GABBR2: variants seen among roughly 807,000 people sequenced by gnomAD.
GABBR2 encodes gamma-aminobutyric acid type B receptor subunit 2.
In GABBR2, 23 loss-of-function variants were observed where a neutral mutation model predicts 105.6. That is an observed-to-expected ratio of 0.22 (90% CI 0.16 to 0.31). The LOEUF is 0.31. Among genes scored for constraint, GABBR2 ranks in the 10% least tolerant of loss-of-function variants. The pLI, the probability that GABBR2 is intolerant of heterozygous loss-of-function variation, is 1.00. For synonymous variants in GABBR2, 478 were observed against 499.7 expected (o/e 0.96, Z 0.58); for missense variants, 734 against 1,245.5 (o/e 0.59, Z 6.18).
At chr9:98,307,848 G>A (rs1830574931) in intron 14 of GABBR2, among the ~76,000 whole-genome samples, 1 of 152,164 alleles carries the variant, frequency 6.6e-6, no homozygotes, top group South Asian at 2.1e-4. Context: ...TTTTATACAA[G>A]CATGATTGTT....
intron 1 of GABBR2, among the ~76,000 whole-genome samples, chr9:98,676,718 T>C (rs536305783): frequency 6.6e-6 from 1 of 152,252 alleles, no homozygotes; most frequent in Non-Finnish European, 1.5e-5. Flanking sequence ...GGAACTCAGA[T>C]CCCTGAATGA....
Position 98,708,612 on chromosome 9 carries a change from C to G in GABBR2, c.126G>C (p.Trp42Cys). Residue 42 changes from tryptophan to cysteine, a missense_variant, in exon 1 of 19, where the codon TGG (tryptophan) becomes TGC (cysteine). Trp to Cys is a radical substitution (Grantham distance 215). This residue lies in a region of GABBR2 where 70 missense variants were observed against 73.4 expected (regional missense o/e 0.95). Coordinates refer to ENST00000259455, the MANE Select transcript of GABBR2 (RefSeq NM_005458.8). ...LLPLAPGAWGWARGAPRPPPS... is the reference protein window; with the variant it reads ...LLPLAPGAWGCARGAPRPPPS... ...GCGGCGGCCGGGGGGCGCCCCGCGC[C>G]CAGCCCCAGGCCCCGGGCGCCAGAG... 7.2e-7 allele frequency: 1 copy of G among 1,384,398 alleles called. No individual in the cohort carries two copies. Among genetic ancestry groups the G allele is most frequent in the Non-Finnish European group, 9.4e-7 (1 of 1,067,782 alleles). 85.8% of individuals were successfully genotyped at this position (1,384,398 alleles called of 1,614,324 possible). A position where few individuals can be genotyped will look rare whatever the true frequency, so the allele number is the denominator to read the frequency against.
chr9:98,626,401 G>A (rs1249033115), intron 1 of GABBR2, among the ~76,000 whole-genome samples: 1 of 152,150 alleles, frequency 6.6e-6, no homozygotes, highest in East Asian at 1.9e-4. Context: ...TATGTTAGGT[G>A]AATTAAATTA....
At chr9:98,333,088 A>G (rs987844731) in intron 13 of GABBR2, among the ~76,000 whole-genome samples, 1 of 152,088 alleles carries the variant, frequency 6.6e-6, no homozygotes, top group Admixed American at 6.5e-5. Context: ...GGCAATGTGA[A>G]GGGCTGGCTT....
rs192960969 is a variant in GABBR2, at chr9:98,634,621, C to T, written c.322-56549G>A. ...CCCTAGTCTTCAGAGGAAGCAGGGC[C>T]CTGCTGACACCTTAATTTTGGACTT... On this transcript the variant is annotated intron_variant, in intron 1 of 18. Transcript: ENST00000259455. Among the ~76,000 whole-genome samples the T allele has an allele frequency of 3.3e-4, 50 of 152,232 alleles. No individual in the cohort carries two copies. In the East Asian group the frequency reaches 8.5e-3, roughly 26 times the overall value.
chr9:98,387,368 T>C (rs57585376), intron 10 of GABBR2, among the ~76,000 whole-genome samples: 6,183 of 152,300 alleles, frequency 0.041, 450 homozygotes, highest in African/African-American at 0.14. Flanking sequence ...GGCAACTTGC[T>C]GTCCTGATGG....
At chr9:98,401,675 G>A (rs1489178921) in intron 8 of GABBR2, among the ~76,000 whole-genome samples, 3 of 152,110 alleles carry the variant, frequency 2.0e-5, no homozygotes, top group Non-Finnish European at 4.4e-5. Flanking sequence ...TTGGTGAAGC[G>A]AGCTACAATT....
chr9:98,411,270 C>T lies in GABBR2; in HGVS notation c.1237-5129G>A, dbSNP rs552537199. Among the ~76,000 whole-genome samples, 29 of 152,298 alleles carry T rather than the reference C, an allele frequency of 1.9e-4. No homozygotes were observed. The South Asian group carries it at 5.6e-3, about 29-fold the overall frequency. On this transcript the variant is annotated intron_variant, in intron 7 of 18. Transcript: ENST00000259455. The stretch of plus-strand genomic sequence containing the variant: ...CATAAAGCTGCATTTTCTCCTTCAG[C>T]GAAATCTTCAGAATGTATAGGGTAA...
chr9:98,607,077 T>C (rs1829436122), intron 1 of GABBR2: 1 of 1,506,062 alleles, frequency 6.6e-7, no homozygotes, highest in East Asian at 2.3e-5. Context: ...AGTTAAGAGA[T>C]CTGGTTTTGA....
intron 3 of GABBR2, among the ~76,000 whole-genome samples, chr9:98,505,569 C>T (rs904342201): frequency 5.9e-5 from 9 of 152,056 alleles, no homozygotes; most frequent in Non-Finnish European, 1.2e-4. Flanking sequence ...TGAATGTGAC[C>T]TCATTTGGAA....
chr9:98,478,953 C>T (rs929148610), intron 5 of GABBR2, among the ~76,000 whole-genome samples: 1 of 152,082 alleles, frequency 6.6e-6, no homozygotes, highest in Non-Finnish European at 1.5e-5. Flanking sequence ...GAGGGGATAC[C>T]GAGTTTCTTT....
intron 2 of GABBR2, among the ~76,000 whole-genome samples, chr9:98,543,076 C>A (rs963692359): frequency 6.6e-6 from 1 of 152,046 alleles, no homozygotes; most frequent in Admixed American, 6.6e-5. Flanking sequence ...AGCTGTCCAT[C>A]GTTCTCTTTA....
At chr9:98,399,683 A>C (rs1323461691) in intron 8 of GABBR2, among the ~76,000 whole-genome samples, 1 of 152,070 alleles carries the variant, frequency 6.6e-6, no homozygotes, top group African/African-American at 2.4e-5. Flanking sequence ...CACAAACCTT[A>C]GGACAAAAAC....
chr9:98,556,969 G>A (rs1441390789), intron 2 of GABBR2, among the ~76,000 whole-genome samples: 1 of 152,184 alleles, frequency 6.6e-6, no homozygotes, highest in African/African-American at 2.4e-5. Context: ...GCTTAAGCCT[G>A]GGAGGTCAAT....
At chr9:98,301,277 A>T (rs1830464693) in intron 16 of GABBR2, among the ~76,000 whole-genome samples, 1 of 152,262 alleles carries the variant, frequency 6.6e-6, no homozygotes, top group African/African-American at 2.4e-5. Flanking sequence ...AACCTGTGGG[A>T]TCTGAAGCTA....
intron 1 of GABBR2, among the ~76,000 whole-genome samples, chr9:98,688,859 A>T (rs1830652488): frequency 6.6e-6 from 1 of 152,220 alleles, no homozygotes; most frequent in Non-Finnish European, 1.5e-5. Context: ...AGGCAACACA[A>T]GGAGCATCTG....
intron 1 of GABBR2, chr9:98,606,924 T>C: frequency 1.5e-6 from 1 of 676,918 alleles, no homozygotes. Context: ...CATTCAGACC[T>C]AAGAATCATC....
intron 7 of GABBR2, among the ~76,000 whole-genome samples, chr9:98,436,337 C>T (rs1825909119): frequency 2.9e-5 from 2 of 69,000 alleles, no homozygotes; most frequent in East Asian, 8.7e-4. Flanking sequence ...TATATACACA[C>T]ACACACACAC....
At chr9:98,369,445 C>T (rs1397548073) in intron 12 of GABBR2, among the ~76,000 whole-genome samples, 5 of 151,916 alleles carry the variant, frequency 3.3e-5, no homozygotes, top group African/African-American at 1.2e-4. Flanking sequence ...CACCAGGGCA[C>T]CAGGCAGGAG....
Sources: gnomAD v4.1 joint callset for allele counts (sites outside exome capture counted in the v4.1 genomes callset) on GRCh38, gnomAD v4.1.1 for gene constraint, gnomAD v4.1.1 regional missense constraint, MANE v1.5 for transcripts, NCBI Gene and HGNC (gene_info 2026-07-23, HGNC 2026-07-21) for gene names.